The following ENC1 variants were observed in gnomAD, a reference collection of about 807,000 sequenced individuals.
ENC1 encodes ectoderm-neural cortex protein 1.
In ENC1, 19 loss-of-function variants were observed where a neutral mutation model predicts 40.9. The observed-to-expected ratio is 0.46, with a 90% CI of 0.32 to 0.68. The LOEUF is 0.68. Among genes scored for constraint, ENC1 ranks in the 30% least tolerant of loss-of-function variants. The pLI is 0.03. For missense variants in ENC1, 479 were observed against 737.5 expected (o/e 0.65, Z 4.06); for synonymous variants, 285 against 291.1 (o/e 0.98, Z 0.21).
At chr5:74,639,545 CAA>C (rs1455860099) in intron 1 of ENC1, among the ~76,000 whole-genome samples, 5 of 152,220 alleles carry the variant, frequency 3.3e-5, no homozygotes, top group Non-Finnish European at 7.3e-5. Context: ...TCAATCCAAT[CAA>C]AAGAGAAACT....
At position 74,627,515 on chromosome 5, in the gene ENC1, C is replaced by T. The variant is rs1471252459; in HGVS notation, c.*2510G>A. On this transcript the variant is annotated 3_prime_UTR_variant, in exon 3 of 3. Coordinates refer to ENST00000302351, the MANE Select transcript of ENC1 (RefSeq NM_003633.4). ...AAAATGTAGTCATAGCAAACAAGTA[C>T]ATATGAACATGAACATTTTCCTTCA... The T allele has an allele frequency of 6.6e-6, 1 of 152,230 alleles. No homozygotes were observed. The highest frequency in any genetic ancestry group is 2.4e-5 in the African/African-American group (1 of 41,292). 9.4% of individuals were successfully genotyped at this position (152,230 alleles called of 1,614,324 possible).
chr5:74,637,417 T>G (rs1464423326), intron 1 of ENC1: 7 of 152,166 alleles, frequency 4.6e-5, no homozygotes, highest in Admixed American at 3.3e-4. Flanking sequence ...GCACCCCAAT[T>G]TCAACATTAA....
At chr5:74,639,391 G>C (rs1232776429) in intron 1 of ENC1, among the ~76,000 whole-genome samples, 1 of 152,206 alleles carries the variant, frequency 6.6e-6, no homozygotes, top group Non-Finnish European at 1.5e-5. Flanking sequence ...CGTCTGCAAA[G>C]AAGACAGAGA....
chr5:74,633,763 G>C (rs1013789885), intron 2 of ENC1, among the ~76,000 whole-genome samples: 1 of 152,082 alleles, frequency 6.6e-6, no homozygotes, highest in African/African-American at 2.4e-5. Context: ...TGATGCCCTA[G>C]AGCCAGACCC....
At chr5:74,631,008 C>A (rs1284944143) in intron 2 of ENC1, among the ~76,000 whole-genome samples, 2 of 151,940 alleles carry the variant, frequency 1.3e-5, no homozygotes, top group African/African-American at 4.8e-5. Flanking sequence ...TGTCATTGCC[C>A]CACCTCCACC....
At position 74,635,228 on chromosome 5, in the gene ENC1, T is replaced by C. The variant is rs766184349; in HGVS notation, c.1258A>G (p.Thr420Ala). ...GCCACCATGGTCCATTTGTTGATTG[T>C]GGGGTCATAATGTTCTACCTGCTTT... ...SLKQVEHYDP[T>A]INKWTMVAPL... is the part of the protein sequence containing the mutation. The change falls in exon 2 of 3, where the codon ACA (threonine) becomes GCA (alanine). Residue 420 changes from threonine (T) to alanine (A), a missense_variant. Transcript: ENST00000302351. This position sits in a 1 kb window ranked among gnomAD's most constrained non-coding sequence, Gnocchi z 5.5. 1 of 1,614,184 alleles carries C rather than the reference T, an allele frequency of 6.2e-7. No homozygotes were observed. Among genetic ancestry groups the C allele is most frequent in the South Asian group, 1.1e-5 (1 of 91,086 alleles).
In ENC1 at chr5:74,636,625, A is replaced by G; in HGVS notation, c.-13-127T>C. On this transcript the variant is annotated intron_variant, in intron 1 of 2. Coordinates refer to ENST00000302351, the MANE Select transcript of ENC1 (RefSeq NM_003633.4). This position sits in a 1 kb window ranked among gnomAD's most constrained non-coding sequence, Gnocchi z 4.8. ...TGTTGACCATGCCACCTACTATTCT[A>G]GAATAGTGTATGGCCATTCCAGGAC... 1.6e-6 allele frequency: 1 copy of G among 620,688 alleles called. No homozygotes were observed. The highest frequency in any genetic ancestry group is 2.1e-5 in the South Asian group (1 of 46,652). 38.4% of individuals were successfully genotyped at this position (620,688 alleles called of 1,614,324 possible). A position where few individuals can be genotyped will look rare whatever the true frequency, so the allele number is the denominator to read the frequency against.
At position 74,627,468 on chromosome 5, in the gene ENC1, A is replaced by AT. The variant is rs1420931353; in HGVS notation, c.*2556_*2557insA. 1 of 152,578 alleles carries AT rather than the reference A, an allele frequency of 6.6e-6. No individual in the cohort carries two copies. Among genetic ancestry groups the AT allele is most frequent in the African/African-American group, 2.4e-5 (1 of 41,402 alleles). 9.5% of individuals were successfully genotyped at this position (152,578 alleles called of 1,614,324 possible). A position where few individuals can be genotyped will look rare whatever the true frequency, so the allele number is the denominator to read the frequency against. ...AGTTTCACATTGTGAAAAAAAAAAA[A>AT]ATAACAGTTTTACAAAACCTCAAAA... On this transcript the variant is annotated 3_prime_UTR_variant, in exon 3 of 3. Coordinates refer to ENST00000302351, the MANE Select transcript of ENC1 (RefSeq NM_003633.4).
intron 2 of ENC1, among the ~76,000 whole-genome samples, chr5:74,632,441 G>A (rs1351026578): frequency 6.6e-6 from 1 of 152,238 alleles, no homozygotes; most frequent in African/African-American, 2.4e-5. Context: ...GCTCCCCAGA[G>A]GAGGTGTCTG....
chr5:74,632,180 A>G (rs971096027), intron 2 of ENC1: 1 of 152,148 alleles, frequency 6.6e-6, no homozygotes, highest in Non-Finnish European at 1.5e-5. Flanking sequence ...TTTTTTATGT[A>G]CCACCACCCT....
In ENC1 at chr5:74,635,679, G is replaced by C. The variant is rs1747561123; in HGVS notation, c.807C>G (p.Ala269=). 1.2e-6 allele frequency: 2 copies of C among 1,614,012 alleles called. No homozygotes were observed. Among genetic ancestry groups the C allele is most frequent in the Non-Finnish European group, 8.5e-7 (1 of 1,180,000 alleles). The change falls in exon 2 of 3, where the codon GCC becomes GCG. Residue 269 remains alanine (A), a synonymous_variant. Coordinates refer to ENST00000302351, the MANE Select transcript of ENC1 (RefSeq NM_003633.4). The surrounding 1 kb of genome is among the most constrained non-coding windows in gnomAD (Gnocchi z 5.5). The part of the protein sequence containing the change: ...QRKSKEIVEE[A]IRCKLKILQN... ...GCAGGATTTTCAGTTTGCACCTGAT[G>C]GCCTCTTCCACAATTTCCTTACTCT... is the stretch of plus-strand genomic sequence containing the variant.
intron 2 of ENC1, among the ~76,000 whole-genome samples, chr5:74,631,122 A>G (rs562493364): frequency 6.6e-6 from 1 of 151,476 alleles, no homozygotes; most frequent in Admixed American, 6.6e-5. Flanking sequence ...GAATACACAC[A>G]CCCTCCCCCC....
In ENC1 at chr5:74,629,911, T is replaced by A. The variant is rs1747334199; in HGVS notation, c.*114A>T. On this transcript the variant is annotated 3_prime_UTR_variant, in exon 3 of 3. Transcript: ENST00000302351. Reference sequence around the variant, plus strand: ...GCAGATTTTATTCGAGTCTTGCAACTTCTTTTCCTTTTTTTCTCTTCATTA... The same window carrying A: ...GCAGATTTTATTCGAGTCTTGCAACATCTTTTCCTTTTTTTCTCTTCATTA... 1 of 148,560 alleles carries A rather than the reference T, an allele frequency of 6.7e-6. No individual in the cohort carries two copies. The highest frequency in any genetic ancestry group is 7.0e-5 in the Admixed American group (1 of 14,352). 9.2% of individuals were successfully genotyped at this position (148,560 alleles called of 1,614,324 possible). A position where few individuals can be genotyped will look rare whatever the true frequency, so the allele number is the denominator to read the frequency against.
chr5:74,638,771 TACTC>T (rs1747706986), intron 1 of ENC1, among the ~76,000 whole-genome samples: 2 of 152,230 alleles, frequency 1.3e-5, no homozygotes, highest in South Asian at 4.1e-4. Context: ...ACTGTCTACT[TACTC>T]TTGTGAATCT....
chr5:74,632,246 C>T (rs1332366984), intron 2 of ENC1: 1 of 152,222 alleles, frequency 6.6e-6, no homozygotes, highest in South Asian at 2.1e-4. Context: ...GACTAACACC[C>T]AACTAAGTGT....
intron 1 of ENC1, among the ~76,000 whole-genome samples, chr5:74,637,034 C>T (rs1376471059): frequency 4.6e-5 from 7 of 152,336 alleles, no homozygotes; most frequent in Middle Eastern, 3.4e-3. Flanking sequence ...TCCAATCTCC[C>T]AGCACATACA....
chr5:74,632,557 A>G (rs980095379), intron 2 of ENC1, among the ~76,000 whole-genome samples: 1 of 152,222 alleles, frequency 6.6e-6, no homozygotes, highest in African/African-American at 2.4e-5. Context: ...GAAGTAAAAA[A>G]AATAGCAAGC....
rs1370287801 is a variant in ENC1, at chr5:74,635,368, G to T, written c.1118C>A (p.Pro373His). 1 of 1,614,200 alleles carries T rather than the reference G, an allele frequency of 6.2e-7. No homozygotes were observed. The highest frequency in any genetic ancestry group is 2.2e-5 in the East Asian group (1 of 44,884). Residue 373 changes from proline (P) to histidine (H), a missense_variant, in exon 2 of 3, where the codon CCC becomes CAC. By Grantham distance (77) the Pro-to-His change is moderately conservative. Transcript: ENST00000302351. This position sits in a 1 kb window ranked among gnomAD's most constrained non-coding sequence, Gnocchi z 5.5. The part of the protein sequence containing the change: ...TLHEEWSKAA[P>H]MLVARFGHGS... ...ATGGCCAAACCTGGCCACCAGCATG[G>T]GGGCAGCCTTGGACCACTCCTCGTG... is the stretch of plus-strand genomic sequence containing the variant.
chr5:74,635,674 C>T lies in ENC1; in HGVS notation c.812G>A (p.Arg271Lys). 6.2e-7 allele frequency: 1 copy of T among 1,614,216 alleles called. No homozygotes were observed. Among genetic ancestry groups the T allele is most frequent in the African/African-American group, 1.3e-5 (1 of 75,060 alleles). The change falls in exon 2 of 3, where the codon AGG (arginine) becomes AAG (lysine). Residue 271 changes from arginine to lysine, a missense_variant. Physicochemically the swap from Arg to Lys is conservative, Grantham distance 26. Coordinates refer to ENST00000302351, the MANE Select transcript of ENC1 (RefSeq NM_003633.4). The surrounding 1 kb of genome is among the most constrained non-coding windows in gnomAD (Gnocchi z 5.5). The part of the protein sequence containing the change: ...KSKEIVEEAI[R>K]CKLKILQNDG... Reference sequence around the variant, plus strand: ...ATTCTGCAGGATTTTCAGTTTGCACCTGATGGCCTCTTCCACAATTTCCTT... The same window carrying T: ...ATTCTGCAGGATTTTCAGTTTGCACTTGATGGCCTCTTCCACAATTTCCTT...
Sources: allele counts gnomAD v4.1 joint callset (sites outside exome capture counted in the v4.1 genomes callset), GRCh38; gene constraint gnomAD v4.1.1; non-coding constraint Gnocchi (gnomAD v3.1); transcripts MANE v1.5; gene names NCBI Gene and HGNC (gene_info 2026-07-23, HGNC 2026-07-21).